Variants in GPD1L observed in about 807,000 individuals in gnomAD.
GPD1L encodes the protein glycerol-3-phosphate dehydrogenase 1-like protein.
In GPD1L, 17 loss-of-function variants were observed where a neutral mutation model predicts 32.9. That is an observed-to-expected ratio of 0.52 (90% CI 0.35 to 0.78). The LOEUF (loss-of-function observed/expected upper bound fraction) is 0.78. Among genes scored for constraint, GPD1L ranks in the 30% least tolerant of loss-of-function variants. The pLI is 0.01. For missense variants in GPD1L, 361 were observed against 447.8 expected, an observed-to-expected ratio of 0.81 and a Z score of 1.75; for synonymous variants, 187 against 165.9, an observed-to-expected ratio of 1.13 and a Z score of -0.98.
At chr3:32,110,684 A>G (rs1231597096) in intron 1 of GPD1L, among the ~76,000 whole-genome samples, 1 of 152,150 alleles carries the variant, frequency 6.6e-6, no homozygotes, top group Non-Finnish European at 1.5e-5. Context: ...TAGATCAGAG[A>G]GAGGAGGCTA....
In GPD1L at chr3:32,106,974, G is replaced by T. The variant is rs370791007; in HGVS notation, c.47+216G>T. 1.3e-5 allele frequency among the ~76,000 whole-genome samples: 2 copies of T among 152,188 alleles called. No individual in the cohort carries two copies. Among genetic ancestry groups the T allele is most frequent in the African/African-American group, 4.8e-5 (2 of 41,466 alleles). On this transcript the variant is annotated intron_variant, in intron 1 of 7. Coordinates refer to ENST00000282541, the MANE Select transcript of GPD1L (RefSeq NM_015141.4). This position sits in a 1 kb window ranked among gnomAD's most constrained non-coding sequence, Gnocchi z 4.0. The stretch of plus-strand genomic sequence containing the variant: ...GCGCTGGGCTCGCGTGCGTGCGGGG[G>T]ACAGCGCGGAGAGAGGGCACCCCGA...
intron 1 of GPD1L, among the ~76,000 whole-genome samples, chr3:32,127,105 AT>A (rs1700518785): frequency 6.6e-6 from 1 of 152,238 alleles, no homozygotes; most frequent in African/African-American, 2.4e-5. Context: ...CATGTTCTGC[AT>A]CCACTTGGCC....
intron 4 of GPD1L, among the ~76,000 whole-genome samples, chr3:32,144,390 C>A (rs965901546): frequency 6.6e-6 from 1 of 152,172 alleles, no homozygotes. Context: ...TTTTTCAAAC[C>A]CTCTTATGTA....
At chr3:32,146,083 CTTTTTTTTTTT>C (rs59106750) in intron 4 of GPD1L, among the ~76,000 whole-genome samples, 6 of 126,156 alleles carry the variant, frequency 4.8e-5, no homozygotes, top group African/African-American at 1.8e-4. Flanking sequence ...ATGCTTTTTT[CTTTTTTTTTTT>C]TTTTTTTTTT....
At chr3:32,151,454 A>T (rs12488595) in intron 5 of GPD1L, 8 of 464,572 alleles carry the variant, frequency 1.7e-5, no homozygotes, top group South Asian at 1.7e-4. Context: ...ATCTTTTTTT[A>T]AAAAAAGGTT....
At chr3:32,136,442 G>A (rs529404282) in intron 2 of GPD1L, among the ~76,000 whole-genome samples, 2 of 152,302 alleles carry the variant, frequency 1.3e-5, no homozygotes, top group African/African-American at 4.8e-5. Context: ...CACCCAAATG[G>A]CATGGATAAA....
intron 2 of GPD1L, among the ~76,000 whole-genome samples, chr3:32,133,021 C>T (rs1404612520): frequency 6.6e-6 from 1 of 152,104 alleles, no homozygotes; most frequent in African/African-American, 2.4e-5. Flanking sequence ...ATTTTTGAGC[C>T]TCTACTATGT....
intron 1 of GPD1L, among the ~76,000 whole-genome samples, chr3:32,110,881 T>C (rs1700235108): frequency 6.6e-6 from 1 of 152,240 alleles, no homozygotes; most frequent in South Asian, 2.1e-4. Flanking sequence ...TTTTTGTTGT[T>C]GTTGAGACAG....
At chr3:32,130,690 G>T (rs564035033) in intron 2 of GPD1L, among the ~76,000 whole-genome samples, 23 of 152,008 alleles carry the variant, frequency 1.5e-4, no homozygotes, top group African/African-American at 4.8e-4. Flanking sequence ...TTTTCTGAAG[G>T]CCGGTTGCGG....
intron 1 of GPD1L, 94 bp from the exon 2 acceptor site, chr3:32,127,982 A>C (rs1700535936): frequency 9.1e-6 from 8 of 877,066 alleles, no homozygotes; most frequent in African/African-American, 1.7e-5. Context: ...TTTGAATCAG[A>C]ATCAAAACAC....
At chr3:32,125,773 TACC>T (rs1375500465) in intron 1 of GPD1L, among the ~76,000 whole-genome samples, 5,275 of 152,300 alleles carry the variant, frequency 0.035, 303 homozygotes, top group African/African-American at 0.12. Context: ...CCTGCTGTAT[TACC>T]ACCATCTGGC....
At chr3:32,113,804 A>T (rs1700287420) in intron 1 of GPD1L, among the ~76,000 whole-genome samples, 1 of 152,012 alleles carries the variant, frequency 6.6e-6, no homozygotes, top group Non-Finnish European at 1.5e-5. Context: ...GCCTAGGCTC[A>T]CTCATATGGC....
chr3:32,120,250 G>A (rs1477448917), intron 1 of GPD1L, among the ~76,000 whole-genome samples: 2 of 152,046 alleles, frequency 1.3e-5, no homozygotes, highest in African/African-American at 2.4e-5. Flanking sequence ...CCCAGGAGAC[G>A]GAGGTTGCAG....
At chr3:32,121,714 C>CAT in intron 1 of GPD1L, among the ~76,000 whole-genome samples, 1 of 124,400 alleles carries the variant, frequency 8.0e-6, no homozygotes, top group South Asian at 2.5e-4. Context: ...TATATTTCTA[C>CAT]ATATATTTCT....
Position 32,128,461 on chromosome 3 carries a change from G to A in GPD1L, c.225+208G>A, listed in dbSNP as rs1700544440. ...ATGCCTTAACAAAGTGCCAGACTGG[G>A]TACCTTAAACAACAGAAATTTATCT... On this transcript the variant is annotated intron_variant, in intron 2 of 7. Coordinates refer to ENST00000282541, the MANE Select transcript of GPD1L (RefSeq NM_015141.4). Among the ~76,000 whole-genome samples the A allele has an allele frequency of 2.0e-5, 3 of 152,242 alleles. No homozygotes were observed. In the South Asian group the frequency reaches 6.2e-4, roughly 32 times the overall value.
At chr3:32,159,308 G>A (rs546365846) in intron 6 of GPD1L, among the ~76,000 whole-genome samples, 199 bp downstream of exon 6, 1 of 152,134 alleles carries the variant, frequency 6.6e-6, no homozygotes, top group East Asian at 1.9e-4. Context: ...GCAGGGGACT[G>A]AAGCTCTTCT....
At chr3:32,122,679 C>T (rs1700439520) in intron 1 of GPD1L, among the ~76,000 whole-genome samples, 1 of 152,132 alleles carries the variant, frequency 6.6e-6, no homozygotes, top group Non-Finnish European at 1.5e-5. Flanking sequence ...TTCCTTCTGC[C>T]TGGAAGGCTC....
At chr3:32,110,188 G>A (rs1200581922) in intron 1 of GPD1L, among the ~76,000 whole-genome samples, 1 of 152,252 alleles carries the variant, frequency 6.6e-6, no homozygotes, top group African/African-American at 2.4e-5. Flanking sequence ...AAAGTGCTGG[G>A]ATTACAGGCG....
At chr3:32,109,624 A>G (rs974481848) in intron 1 of GPD1L, among the ~76,000 whole-genome samples, 2 of 152,252 alleles carry the variant, frequency 1.3e-5, no homozygotes, top group Non-Finnish European at 2.9e-5. Flanking sequence ...CTCCAGTCCT[A>G]GAGAGAGGAT....
Sources: allele counts gnomAD v4.1 joint callset (sites outside exome capture counted in the v4.1 genomes callset), GRCh38; gene constraint gnomAD v4.1.1; non-coding constraint Gnocchi (gnomAD v3.1); transcripts MANE v1.5; gene names NCBI Gene and HGNC (gene_info 2026-07-23, HGNC 2026-07-21).